Variants in LINGO2 observed in about 807,000 individuals in gnomAD.
The protein encoded by LINGO2 is leucine-rich repeat and immunoglobulin-like domain-containing nogo receptor-interacting protein 2.
Under a neutral mutation model 30.6 loss-of-function variants are expected in LINGO2, and 14 were observed. The ratio of observed to expected loss-of-function variants is 0.46; its 90% confidence interval spans 0.30 to 0.72. The LOEUF is 0.72. Ranked by LOEUF, LINGO2 falls within the 30% of genes least tolerant of loss-of-function variation. The pLI, the probability that LINGO2 is intolerant of heterozygous loss-of-function variation, is 0.07. For missense variants in LINGO2, 729 were observed against 751.7 expected (o/e 0.97, Z 0.35); for synonymous variants, 317 against 288.5 (o/e 1.10, Z -1.00).
the LINGO2 span, among the ~76,000 whole-genome samples, chr9:28,921,627 G>A: frequency 4.2e-3 from 643 of 152,240 alleles, 4 homozygotes; most frequent in African/African-American, 0.014. Flanking sequence ...AGAGAGCGGA[G>A]CAAGGAGGAA....
intron 5 of LINGO2, among the ~76,000 whole-genome samples, chr9:27,961,136 G>C (rs1819824880): frequency 6.6e-6 from 1 of 152,114 alleles, no homozygotes; most frequent in Non-Finnish European, 1.5e-5. Flanking sequence ...TTACAAAATA[G>C]GCTTTCTGTT....
intron 4 of LINGO2, among the ~76,000 whole-genome samples, chr9:28,241,186 T>C (rs1821772226): frequency 6.8e-6 from 1 of 146,686 alleles, no homozygotes; most frequent in African/African-American, 2.5e-5. Flanking sequence ...GGAGAATTGC[T>C]TGAACCCGGG....
At chr9:28,009,175 A>G (rs1317692888) in intron 5 of LINGO2, among the ~76,000 whole-genome samples, 2 of 151,890 alleles carry the variant, frequency 1.3e-5, no homozygotes, top group Non-Finnish European at 2.9e-5. Context: ...TGCTGAGACA[A>G]ATGGATATCC....
chr9:29,094,898 T>G, the LINGO2 span, among the ~76,000 whole-genome samples: 2 of 139,052 alleles, frequency 1.4e-5, 1 homozygote, highest in Non-Finnish European at 3.1e-5. Context: ...TTTATATTCT[T>G]TTAGGTATAT....
At chr9:28,803,145 C>T in the LINGO2 span, among the ~76,000 whole-genome samples, 1 of 151,982 alleles carries the variant, frequency 6.6e-6, no homozygotes, top group Non-Finnish European at 1.5e-5. Context: ...CAGACTGTAT[C>T]ATCGAATTTA....
intron 2 of LINGO2, among the ~76,000 whole-genome samples, chr9:28,390,061 G>A (rs1199716615): frequency 6.6e-6 from 1 of 152,034 alleles, no homozygotes; most frequent in African/African-American, 2.4e-5. Flanking sequence ...CTATCTGCCA[G>A]ACAACATGTA....
chr9:28,542,370 C>T (rs1473923184), intron 1 of LINGO2, among the ~76,000 whole-genome samples: 1 of 151,968 alleles, frequency 6.6e-6, no homozygotes, highest in Non-Finnish European at 1.5e-5. Flanking sequence ...ATACATCTTC[C>T]TATCTACCAG....
intron 4 of LINGO2, among the ~76,000 whole-genome samples, chr9:28,162,895 C>T (rs974190566): frequency 1.3e-4 from 20 of 152,136 alleles, no homozygotes; most frequent in Middle Eastern, 3.4e-3. Flanking sequence ...AATTTCCAGA[C>T]AGAATGAAAT....
chr9:28,887,549 T>C, the LINGO2 span, among the ~76,000 whole-genome samples: 4 of 152,076 alleles, frequency 2.6e-5, no homozygotes, highest in Non-Finnish European at 5.9e-5. Flanking sequence ...TATGCCACCT[T>C]ATTGCATTCT....
intron 4 of LINGO2, among the ~76,000 whole-genome samples, chr9:28,142,754 G>T (rs552508501): frequency 6.6e-6 from 1 of 152,218 alleles, no homozygotes; most frequent in African/African-American, 2.4e-5. Flanking sequence ...GTAGGTTAAG[G>T]ATGCTAGCCC....
At chr9:28,167,754 A>G (rs1828472600) in intron 4 of LINGO2, among the ~76,000 whole-genome samples, 1 of 152,174 alleles carries the variant, frequency 6.6e-6, no homozygotes, top group South Asian at 2.1e-4. Flanking sequence ...TGGTAGGATA[A>G]TAATTCTTGT....
chr9:29,210,307 C>T, the LINGO2 span, among the ~76,000 whole-genome samples: 1 of 152,152 alleles, frequency 6.6e-6, no homozygotes, highest in Non-Finnish European at 1.5e-5. Context: ...GAAAACTTCC[C>T]TTATACATCA....
intron 2 of LINGO2, among the ~76,000 whole-genome samples, chr9:28,431,637 C>A (rs13302384): frequency 0.34 from 51,220 of 151,902 alleles, 9,168 homozygotes; most frequent in Admixed American, 0.39. Flanking sequence ...AGTTAGAAAC[C>A]AAAAGATCAG....
At chr9:28,365,334 G>A (rs1016928240) in intron 3 of LINGO2, among the ~76,000 whole-genome samples, 1 of 152,134 alleles carries the variant, frequency 6.6e-6, no homozygotes, top group African/African-American at 2.4e-5. Context: ...AAAAATGTAT[G>A]TGTCATGCTA....
the LINGO2 span, among the ~76,000 whole-genome samples, chr9:29,082,050 A>G: frequency 6.6e-6 from 1 of 152,116 alleles, no homozygotes; most frequent in Non-Finnish European, 1.5e-5. Flanking sequence ...GCTACCAATG[A>G]CTTTCTTCAC....
chr9:28,786,266 C>A, the LINGO2 span, among the ~76,000 whole-genome samples: 29,257 of 151,900 alleles, frequency 0.19, 3,835 homozygotes, highest in African/African-American at 0.36. Context: ...ACCATGACAC[C>A]TCCTTAATTG....
chr9:28,940,404 C>A, the LINGO2 span, among the ~76,000 whole-genome samples: 2 of 152,082 alleles, frequency 1.3e-5, no homozygotes, highest in Non-Finnish European at 2.9e-5. Flanking sequence ...AGCAAGCCCT[C>A]AGATGGAAGG....
intron 1 of LINGO2, among the ~76,000 whole-genome samples, chr9:28,647,028 A>G (rs2135956371): frequency 6.6e-6 from 1 of 152,226 alleles, no homozygotes; most frequent in South Asian, 2.1e-4. Context: ...TATCTTTAGC[A>G]TCTTCCAAAC....
At chr9:28,955,453 T>C in the LINGO2 span, among the ~76,000 whole-genome samples, 1 of 152,084 alleles carries the variant, frequency 6.6e-6, no homozygotes, top group Non-Finnish European at 1.5e-5. Flanking sequence ...CCTTCTGCCA[T>C]GACCTGAAAG....
Sources: allele counts gnomAD v4.1 joint callset (sites outside exome capture counted in the v4.1 genomes callset), GRCh38; gene constraint gnomAD v4.1.1; transcripts MANE v1.5; gene names NCBI Gene and HGNC (gene_info 2026-07-23, HGNC 2026-07-21).